NOM1: variants seen among roughly 807,000 people sequenced by gnomAD.
The protein encoded by NOM1 is nucleolar protein with MIF4G domain 1.
Under a neutral mutation model 73.3 loss-of-function variants are expected in NOM1, and 58 were observed. The observed-to-expected ratio is 0.79, with a 90% CI of 0.64 to 0.99. The LOEUF (loss-of-function observed/expected upper bound fraction) is 0.99, where lower values mean the gene tolerates loss of function less well. NOM1 is among the 50% of genes least tolerant of loss of function. The pLI, the probability that NOM1 is intolerant of heterozygous loss-of-function variation, is 0.00. For missense variants in NOM1, 1,226 were observed against 1,131.9 expected (o/e 1.08, Z -1.19); for synonymous variants, 487 against 446.8 (o/e 1.09, Z -1.14).
At chr7:156,962,338 T>C in intron 5 of NOM1, 77 bp downstream of exon 5, 4 of 1,161,402 alleles carry the variant, frequency 3.4e-6, no homozygotes, top group Non-Finnish European at 5.2e-6. Flanking sequence ...AATCAAGAAA[T>C]AGTCAGACCT....
Position 156,963,925 on chromosome 7 carries a change from A to G in NOM1, c.1932A>G (p.Glu644=), listed in dbSNP as rs997244263. The part of the protein sequence containing the change: ...LVGTVSSKIL[E]LARKQRMNTD... Reference sequence around the variant, plus strand: ...TCCAGGTCAGTTCAAAGATCCTAGAACTCGCCCGGAAGCAGAGGATGAACA... The same window carrying G: ...TCCAGGTCAGTTCAAAGATCCTAGAGCTCGCCCGGAAGCAGAGGATGAACA... The change falls in exon 7 of 11, where the codon GAA becomes GAG. Residue 644 remains glutamate (E), a synonymous_variant. Coordinates refer to ENST00000275820, the MANE Select transcript of NOM1 (RefSeq NM_138400.2). 2 of 1,613,922 alleles carry G rather than the reference A, an allele frequency of 1.2e-6. No homozygotes were observed. Among genetic ancestry groups the G allele is most frequent in the South Asian group, 1.1e-5 (1 of 91,040 alleles).
Position 156,954,179 on chromosome 7 carries a change from A to C in NOM1, c.1189A>C (p.Asn397His). The C allele has an allele frequency of 6.2e-7, 1 of 1,613,808 alleles. No individual in the cohort carries two copies. The highest frequency in any genetic ancestry group is 8.5e-7 in the Non-Finnish European group (1 of 1,179,906). Residue 397 changes from asparagine (N) to histidine (H), a missense_variant, in exon 3 of 11, where the codon AAT becomes CAT. Physicochemically the swap from Asn to His is moderately conservative, Grantham distance 68 (BLOSUM62 1). Transcript: ENST00000275820. ...LYMAHSRKDM[N>H]DTLTSALMGA... ...CATGGCCCACAGCAGAAAGGACATG[A>C]ATGACACCCTGACCTCCGCTCTCAT...
In NOM1 at chr7:156,954,090, C is replaced by T. The variant is rs2134773762; in HGVS notation, c.1113-13C>T. On this transcript the variant is annotated splice_polypyrimidine_tract_variant and intron_variant, in intron 2 of 10. Coordinates refer to ENST00000275820, the MANE Select transcript of NOM1 (RefSeq NM_138400.2). Reference sequence around the variant, plus strand: ...GAAACATTGTTGCTCTCTGTCTTTACAATTCTCTGCAGGTTGAGTGAACCC... The same window carrying T: ...GAAACATTGTTGCTCTCTGTCTTTATAATTCTCTGCAGGTTGAGTGAACCC... 6.3e-7 allele frequency: 1 copy of T among 1,595,242 alleles called. No homozygotes were observed. Among genetic ancestry groups the T allele is most frequent in the Non-Finnish European group, 8.5e-7 (1 of 1,174,462 alleles).
In NOM1 at chr7:156,969,675, T is replaced by A. The variant is rs1302107932; in HGVS notation, c.2555T>A (p.Leu852Gln). ...AAAGCTGACCTTGCAACGAAGTGTC[T>A]GCAAGGAAAAGCTTCCCTGAGAATG... The part of the protein sequence containing the change: ...REKADLATKC[L>Q]QGKASLRM Residue 852 changes from leucine (L) to glutamine (Q), a missense_variant, in exon 11 of 11, where the codon CTG (leucine) becomes CAG (glutamine). Coordinates refer to ENST00000275820, the MANE Select transcript of NOM1 (RefSeq NM_138400.2). 2 of 1,612,256 alleles carry A rather than the reference T, an allele frequency of 1.2e-6. No homozygotes were observed.
Position 156,966,420 on chromosome 7 carries a change from C to T in NOM1, c.2166+18C>T. 1 of 1,613,606 alleles carries T rather than the reference C, an allele frequency of 6.2e-7. No homozygotes were observed. The highest frequency in any genetic ancestry group is 2.2e-5 in the East Asian group (1 of 44,878). ...GATTTCAGGTAGCTTAGTGCGGAGG[C>T]ACCAGTTACGTCCGCTCTACTATTT... On this transcript the variant is annotated intron_variant, in intron 8 of 10. Transcript: ENST00000275820.
intron 7 of NOM1, among the ~76,000 whole-genome samples, chr7:156,965,855 A>T (rs548418014): frequency 4.2e-4 from 64 of 152,328 alleles, no homozygotes; most frequent in Non-Finnish European, 7.3e-4. Flanking sequence ...TGGAGGTTGT[A>T]GTGAGCTGAA....
intron 3 of NOM1, among the ~76,000 whole-genome samples, chr7:156,959,166 A>T (rs1804800888): frequency 1.3e-5 from 2 of 151,406 alleles, no homozygotes; most frequent in Non-Finnish European, 2.9e-5. Context: ...ACAGTGGCGC[A>T]ATCTCAGCTC....
At chr7:156,962,462 G>A (rs998985286) in intron 5 of NOM1, among the ~76,000 whole-genome samples, 4 of 152,240 alleles carry the variant, frequency 2.6e-5, no homozygotes, top group Admixed American at 1.3e-4. Flanking sequence ...GAATGTCCGT[G>A]TGTGGGGAAG....
rs747270668 is a variant in NOM1 at position 156,969,839 on chromosome 7, T to G, written c.*136T>G. ...CTGTTAATGTATTATATTTTGAGAT[T>G]TTTTTTGATCTAAGGTTTTATTGTT... On this transcript the variant is annotated 3_prime_UTR_variant, in exon 11 of 11. Coordinates refer to ENST00000275820, the MANE Select transcript of NOM1 (RefSeq NM_138400.2). 90 of 852,142 alleles carry G rather than the reference T, an allele frequency of 1.1e-4. No individual in the cohort carries two copies. Among genetic ancestry groups the G allele is most frequent in the Non-Finnish European group, 1.4e-4 (85 of 600,734 alleles). The allele number at this position is 852,142 out of a possible 1,614,324, so 52.8% of individuals were successfully genotyped here. A position where few individuals can be genotyped will look rare whatever the true frequency, so the allele number is the denominator to read the frequency against.
chr7:156,969,505 T>C (rs1563687949), intron 10 of NOM1, 24 bp from the exon 11 acceptor site: 3 of 1,599,904 alleles, frequency 1.9e-6, no homozygotes, highest in South Asian at 1.1e-5. Context: ...AGCCCTGACA[T>C]GTGTTTATAC....
At chr7:156,964,878 T>C (rs1286219747) in intron 7 of NOM1, among the ~76,000 whole-genome samples, 2 of 152,208 alleles carry the variant, frequency 1.3e-5, no homozygotes, top group Admixed American at 1.3e-4. Context: ...GAACTCTTAT[T>C]CTCTAGTCAG....
chr7:156,956,918 T>C (rs1452144649), intron 3 of NOM1, among the ~76,000 whole-genome samples: 1 of 152,202 alleles, frequency 6.6e-6, no homozygotes, highest in African/African-American at 2.4e-5. Flanking sequence ...AGGACACTGG[T>C]ATGCTTCAGC....
chr7:156,969,396 T>C (rs2134801958), intron 10 of NOM1, 133 bp from the exon 11 acceptor site: 10 of 823,714 alleles, frequency 1.2e-5, no homozygotes, highest in East Asian at 2.7e-5. Context: ...TAATAAAATA[T>C]GTTAAGAAGT....
intron 5 of NOM1, among the ~76,000 whole-genome samples, 168 bp from the exon 6 acceptor site, chr7:156,962,840 G>A (rs890231758): frequency 6.6e-6 from 1 of 152,170 alleles, no homozygotes; most frequent in African/African-American, 2.4e-5. Flanking sequence ...TGAGTTTACC[G>A]CTAGTTTTGG....
rs1404803821 is a variant in NOM1 at position 156,972,069 on chromosome 7, TATAA to T, written c.*2369_*2372del. 1.3e-5 allele frequency: 2 copies of T among 152,208 alleles called. No homozygotes were observed. Among genetic ancestry groups the T allele is most frequent in the Admixed American group, 1.3e-4 (2 of 15,272 alleles). 9.4% of individuals were successfully genotyped at this position (152,208 alleles called of 1,614,324 possible). A position where few individuals can be genotyped will look rare whatever the true frequency, so the allele number is the denominator to read the frequency against. ...GTGAAATAAGGAGCTTGGGCTAAGG[TATAA>T]ATCAACACACTGCTTCCTTCCTCCA... On this transcript the variant is annotated 3_prime_UTR_variant, in exon 11 of 11. Coordinates refer to ENST00000275820, the MANE Select transcript of NOM1 (RefSeq NM_138400.2).
intron 1 of NOM1, 114 bp from the exon 2 acceptor site, chr7:156,952,360 T>C: frequency 9.2e-7 from 1 of 1,085,908 alleles, no homozygotes; most frequent in Non-Finnish European, 1.3e-6. Context: ...CAATGATCAG[T>C]AGCAGCTTCC....
In NOM1 at chr7:156,963,165, T is replaced by A. The variant is rs563556242; in HGVS notation, c.1901T>A (p.Leu634His). 5 of 1,613,942 alleles carry A rather than the reference T, an allele frequency of 3.1e-6. No individual in the cohort carries two copies. The African/African-American group carries it at 6.7e-5, about 22-fold the overall frequency. ...CACCATACGCACCTGCAGAAGCAGC[T>A]TGTGGGGACGGTAGGGACACCCATG... is the stretch of plus-strand genomic sequence containing the variant. ...NSHHTHLQKQ[L>H]VGTVSSKILE... Residue 634 changes from leucine to histidine, a missense_variant, in exon 6 of 11, where the codon CTT (leucine) becomes CAT (histidine). Transcript: ENST00000275820.
chr7:156,961,773 G>A (rs1308486848), intron 4 of NOM1, among the ~76,000 whole-genome samples: 2 of 152,152 alleles, frequency 1.3e-5, no homozygotes, highest in Non-Finnish European at 2.9e-5. Context: ...TACAAGGCCA[G>A]TGGTAGGAGA....
Position 156,966,034 on chromosome 7 carries a change from C to G in NOM1, c.2034-236C>G, listed in dbSNP as rs1804987503. Reference sequence around the variant, plus strand: ...TGTCGACTTTTGCAGCGACGGGGGACCCCCTAGATGGTCTTGTCTCCTCTG... The same window carrying G: ...TGTCGACTTTTGCAGCGACGGGGGAGCCCCTAGATGGTCTTGTCTCCTCTG... On this transcript the variant is annotated intron_variant, in intron 7 of 10. Transcript: ENST00000275820. The G allele has an allele frequency of 1.7e-5, 9 of 526,412 alleles. No individual in the cohort carries two copies. The South Asian group carries it at 2.5e-4, about 15-fold the overall frequency. 32.6% of individuals were successfully genotyped at this position (526,412 alleles called of 1,614,324 possible).
Sources: gnomAD v4.1 joint callset for allele counts (sites outside exome capture counted in the v4.1 genomes callset) on GRCh38, gnomAD v4.1.1 for gene constraint, MANE v1.5 for transcripts, NCBI Gene and HGNC (gene_info 2026-07-23, HGNC 2026-07-21) for gene names.